RORB: variants seen among roughly 807,000 people sequenced by gnomAD.
RORB encodes nuclear receptor ROR-beta.
Under a neutral mutation model 59.1 loss-of-function variants are expected in RORB, and 6 were observed. The ratio of observed to expected loss-of-function variants is 0.10; its 90% confidence interval spans 0.06 to 0.20. The LOEUF (loss-of-function observed/expected upper bound fraction) is 0.20. Ranked by LOEUF, RORB falls within the 10% of genes least tolerant of loss-of-function variation. The pLI is 1.00. For synonymous variants in RORB, 215 were observed against 204.5 expected (o/e 1.05, Z -0.44); for missense variants, 320 against 560.5 (o/e 0.57, Z 4.33).
intron 1 of RORB, among the ~76,000 whole-genome samples, chr9:74,520,837 A>G (rs1826076050): frequency 6.6e-6 from 1 of 151,788 alleles, no homozygotes; most frequent in African/African-American, 2.4e-5. Flanking sequence ...AGAGTCTTAC[A>G]TATTCTATAG....
At chr9:74,649,309 G>A (rs1191883074) in intron 4 of RORB, among the ~76,000 whole-genome samples, 1 of 152,120 alleles carries the variant, frequency 6.6e-6, no homozygotes, top group African/African-American at 2.4e-5. Flanking sequence ...TCATTGGAGA[G>A]GGTCTTACTT....
At chr9:74,515,572 A>G (rs1825997460) in intron 1 of RORB, among the ~76,000 whole-genome samples, 1 of 152,022 alleles carries the variant, frequency 6.6e-6, no homozygotes, top group Admixed American at 6.6e-5. Context: ...GATTCCTCCA[A>G]GAATCTAAAA....
intron 1 of RORB, among the ~76,000 whole-genome samples, chr9:74,517,607 A>G (rs1292212107): frequency 6.6e-6 from 1 of 152,036 alleles, no homozygotes; most frequent in East Asian, 1.9e-4. Flanking sequence ...AGACATTTTA[A>G]TCTAATTTTA....
At chr9:74,556,659 G>A (rs1407192230) in intron 1 of RORB, among the ~76,000 whole-genome samples, 1 of 152,088 alleles carries the variant, frequency 6.6e-6, no homozygotes, top group Non-Finnish European at 1.5e-5. Context: ...GATCTGCCAT[G>A]AGATAAATGG....
intron 9 of RORB, among the ~76,000 whole-genome samples, chr9:74,683,549 C>A (rs776773632): frequency 6.6e-5 from 10 of 152,212 alleles, no homozygotes; most frequent in Non-Finnish European, 1.3e-4. Flanking sequence ...ACTGCTGCAG[C>A]GACTCTGAAC....
chr9:74,632,625 G>A (rs541924290), intron 2 of RORB, among the ~76,000 whole-genome samples: 18 of 152,208 alleles, frequency 1.2e-4, no homozygotes, highest in Admixed American at 3.3e-4. Flanking sequence ...AGCAAGAAAC[G>A]AGTCGTAATT....
intron 1 of RORB, among the ~76,000 whole-genome samples, chr9:74,526,240 T>C (rs1329169493): frequency 6.6e-6 from 1 of 151,944 alleles, no homozygotes; most frequent in African/African-American, 2.4e-5. Context: ...ACCCCCAAAA[T>C]GATTCTTACT....
At chr9:74,590,778 T>C (rs575967116) in intron 1 of RORB, among the ~76,000 whole-genome samples, 2 of 151,824 alleles carry the variant, frequency 1.3e-5, no homozygotes, top group South Asian at 4.2e-4. Context: ...TTTTTTGTTT[T>C]GTTTTGTTTT....
intron 1 of RORB, among the ~76,000 whole-genome samples, chr9:74,539,597 T>C (rs1178999319): frequency 6.6e-6 from 1 of 152,084 alleles, no homozygotes; most frequent in Non-Finnish European, 1.5e-5. Flanking sequence ...CTTGCCCTCA[T>C]AGAGCGTTTT....
intron 4 of RORB, among the ~76,000 whole-genome samples, chr9:74,649,174 T>G (rs999627652): frequency 6.6e-6 from 1 of 152,032 alleles, no homozygotes; most frequent in Non-Finnish European, 1.5e-5. Context: ...GGTCTTGAAC[T>G]CCTGACCTCA....
At chr9:74,596,426 T>G (rs570704507) in intron 1 of RORB, among the ~76,000 whole-genome samples, 50 of 152,326 alleles carry the variant, frequency 3.3e-4, no homozygotes, top group Non-Finnish European at 6.6e-4. Flanking sequence ...GTGCAATCTC[T>G]AAATACAAAA....
At chr9:74,677,012 G>T (rs990992249) in intron 9 of RORB, among the ~76,000 whole-genome samples, 1 of 152,140 alleles carries the variant, frequency 6.6e-6, no homozygotes, top group Non-Finnish European at 1.5e-5. Flanking sequence ...TCATTGCCAC[G>T]TGGGCCACAG....
chr9:74,657,281 G>A (rs1824100125), intron 4 of RORB, among the ~76,000 whole-genome samples: 1 of 152,022 alleles, frequency 6.6e-6, no homozygotes, highest in Non-Finnish European at 1.5e-5. Flanking sequence ...TGGCCGGGAT[G>A]GTCTCGATCT....
chr9:74,556,792 T>G (rs958448603), intron 1 of RORB, among the ~76,000 whole-genome samples: 6 of 152,000 alleles, frequency 3.9e-5, no homozygotes, highest in African/African-American at 1.5e-4. Context: ...AGGAAATGAG[T>G]AATGATCTGA....
chr9:74,640,310 G>T (rs555343883), intron 3 of RORB, among the ~76,000 whole-genome samples: 1 of 152,042 alleles, frequency 6.6e-6, no homozygotes, highest in South Asian at 2.1e-4. Flanking sequence ...GCTCAGTCTC[G>T]GCTCACTGCA....
chr9:74,641,868 C>T (rs958147853), intron 3 of RORB, among the ~76,000 whole-genome samples: 1 of 152,108 alleles, frequency 6.6e-6, no homozygotes, highest in Non-Finnish European at 1.5e-5. Flanking sequence ...GATCATGCCA[C>T]TGCACTCCAG....
At chr9:74,655,224 A>G (rs1031244473) in intron 4 of RORB, among the ~76,000 whole-genome samples, 5 of 152,190 alleles carry the variant, frequency 3.3e-5, no homozygotes, top group African/African-American at 1.2e-4. Context: ...GTTTTCTTTC[A>G]CACCCACTTA....
intron 1 of RORB, among the ~76,000 whole-genome samples, chr9:74,607,466 T>C (rs1823165369): frequency 6.6e-6 from 1 of 152,172 alleles, no homozygotes; most frequent in African/African-American, 2.4e-5. Context: ...TCTTCTTTGA[T>C]GGCAATCTTT....
intron 1 of RORB, among the ~76,000 whole-genome samples, chr9:74,617,665 C>A (rs145112196): frequency 1.8e-4 from 28 of 152,308 alleles, no homozygotes; most frequent in Non-Finnish European, 3.4e-4. Context: ...TAAGCCTCCA[C>A]CTCAGTCCCA....
Sources: allele counts gnomAD v4.1 joint callset (sites outside exome capture counted in the v4.1 genomes callset), GRCh38; gene constraint gnomAD v4.1.1; transcripts MANE v1.5; gene names NCBI Gene and HGNC (gene_info 2026-07-23, HGNC 2026-07-21).